KLF16: variants seen among roughly 807,000 people sequenced by gnomAD.
The protein encoded by KLF16 is KLF transcription factor 16.
Under a neutral mutation model 6.1 loss-of-function variants are expected in KLF16, and 6 were observed. The ratio of observed to expected loss-of-function variants is 0.98; its 90% CI spans 0.54 to 1.93. The LOEUF (loss-of-function observed/expected upper bound fraction) is 1.93. Among genes scored for constraint, KLF16 ranks in the 30% most tolerant of loss-of-function variants. The probability of loss-of-function intolerance (pLI) is 0.01; values close to 1 mark genes in which losing one functional copy is unlikely to be tolerated. For missense variants in KLF16, 355 were observed against 363.8 expected (o/e 0.98, Z 0.20); for synonymous variants, 211 against 176.5 (o/e 1.20, Z -1.55).
At chr19:1,860,342 G>A (rs1422074709) in intron 1 of KLF16, 1 of 152,398 alleles carries the variant, frequency 6.6e-6, no homozygotes, top group East Asian at 1.9e-4. Flanking sequence ...GCCAGACCCA[G>A]GGGACGGGAG....
Position 1,854,259 on chromosome 19 carries a change from C to CT in KLF16, c.*199_*200insA, listed in dbSNP as rs1332659457. ...ATGGCTATTTACAGACACAAGCCCC[C>CT]GTCACCCATCCTGAGAGCCACCTCT... On this transcript the variant is annotated 3_prime_UTR_variant, in exon 2 of 2. Coordinates refer to ENST00000250916, the MANE Select transcript of KLF16 (RefSeq NM_031918.4). The CT allele has an allele frequency of 8.9e-6, 5 of 559,600 alleles. No individual in the cohort carries two copies. The highest frequency in any genetic ancestry group is 1.1e-5 in the Non-Finnish European group (4 of 355,044). The allele number at this position is 559,600 out of a possible 1,614,324, so 34.7% of individuals were successfully genotyped here.
chr19:1,871,430 T>C, the KLF16 span, among the ~76,000 whole-genome samples: 1 of 152,170 alleles, frequency 6.6e-6, no homozygotes, highest in African/African-American at 2.4e-5. Context: ...GGTGTGACCC[T>C]GACCTCTCCC....
the KLF16 span, among the ~76,000 whole-genome samples, chr19:1,869,352 C>G: frequency 2.0e-5 from 3 of 152,130 alleles, no homozygotes; most frequent in Non-Finnish European, 4.4e-5. Flanking sequence ...TGGTGGTGGG[C>G]GCCTGTAATC....
chr19:1,862,985 G>A (rs1471057814), intron 1 of KLF16, 56 bp downstream of exon 1: 14 of 1,121,624 alleles, frequency 1.2e-5, no homozygotes, highest in African/African-American at 1.7e-5. Flanking sequence ...GGTCCTGGCG[G>A]GGGAGGGGTC....
At chr19:1,867,945 T>TGC (rs1363849803), upstream of KLF16, among the ~76,000 whole-genome samples, 3 of 151,690 alleles carry the variant, frequency 2.0e-5, no homozygotes, top group African/African-American at 7.3e-5. Context: ...TGTGTGTGTG[T>TGC]GTGTGTGTGT....
chr19:1,859,025 C>T (rs1287581142), intron 1 of KLF16, among the ~76,000 whole-genome samples: 1 of 152,130 alleles, frequency 6.6e-6, no homozygotes, highest in Non-Finnish European at 1.5e-5. Context: ...CTGCTCTCTG[C>T]ACTCTGCAGG....
In KLF16 at chr19:1,863,027, G is replaced by T; in HGVS notation, c.457+14C>A. On this transcript the variant is annotated intron_variant, in intron 1 of 1. Coordinates refer to ENST00000250916, the MANE Select transcript of KLF16 (RefSeq NM_031918.4). ...GGCCGCCCCCGCAAGGGCCGGGATC[G>T]CGGCTGCACTCACCTGTGTGCGTCC... The T allele has an allele frequency of 1.5e-6, 2 of 1,306,850 alleles. No individual in the cohort carries two copies. The highest frequency in any genetic ancestry group is 2.0e-6 in the Non-Finnish European group (2 of 1,005,790). The allele number at this position is 1,306,850 out of a possible 1,614,324, so 81.0% of individuals were successfully genotyped here.
the KLF16 span, among the ~76,000 whole-genome samples, chr19:1,870,035 T>G: frequency 1.3e-5 from 2 of 149,416 alleles, no homozygotes; most frequent in East Asian, 4.0e-4. Flanking sequence ...CTGGTTCAAG[T>G]GATTCTCCTG....
chr19:1,872,000 G>A, the KLF16 span, among the ~76,000 whole-genome samples: 17 of 152,262 alleles, frequency 1.1e-4, no homozygotes, highest in Non-Finnish European at 2.2e-4. Context: ...GGCCAGGGCC[G>A]GGGATTTTAT....
chr19:1,863,612 G>A (rs1454625040), upstream of KLF16: 15 of 311,090 alleles, frequency 4.8e-5, 1 homozygote, highest in Non-Finnish European at 6.3e-5. Context: ...GAGGAGGCCC[G>A]GCGCGCGCCG....
the KLF16 span, among the ~76,000 whole-genome samples, chr19:1,871,403 C>G: frequency 6.6e-6 from 1 of 152,120 alleles, no homozygotes; most frequent in East Asian, 1.9e-4. Flanking sequence ...TCTGTGCCAC[C>G]CATTTGAGTA....
chr19:1,856,815 G>C (rs1022659359), intron 1 of KLF16, among the ~76,000 whole-genome samples: 3 of 152,186 alleles, frequency 2.0e-5, no homozygotes, highest in Non-Finnish European at 2.9e-5. Flanking sequence ...CAGGCGGGGA[G>C]GCGGCAGGAG....
At chr19:1,867,955 TGTGTGTGC>T (rs2012214254), upstream of KLF16, among the ~76,000 whole-genome samples, 1 of 142,382 alleles carries the variant, frequency 7.0e-6, no homozygotes, top group Non-Finnish European at 1.6e-5. Flanking sequence ...TGTGTGTGTG[TGTGTGTGC>T]GTGCGCGCAT....
rs1334755123 is a variant in KLF16, at chr19:1,863,465, G to A, written c.33C>T (p.Phe11=). 9.5e-7 allele frequency: 1 copy of A among 1,048,622 alleles called. No homozygotes were observed. The highest frequency in any genetic ancestry group is 1.2e-6 in the Non-Finnish European group (1 of 866,258). 65.0% of individuals were successfully genotyped at this position (1,048,622 alleles called of 1,614,324 possible). Residue 11 remains phenylalanine, a synonymous_variant, in exon 1 of 2, where the codon TTC becomes TTT. Transcript: ENST00000250916. MSAAVACVDY[F]AADVLMAISS... is the part of the protein sequence containing the mutation. ...AGATGGCCATGAGCACGTCGGCGGC[G>A]AAGTAATCCACGCACGCCACGGCCG...
At chr19:1,865,122 G>A (rs1306958549), upstream of KLF16, among the ~76,000 whole-genome samples, 1 of 152,208 alleles carries the variant, frequency 6.6e-6, no homozygotes, top group African/African-American at 2.4e-5. Flanking sequence ...AGCCCTCCCT[G>A]GGCCCCAGTA....
rs2083183143 is a variant in KLF16 at position 1,857,197 on chromosome 19, C to T, written c.458-2437G>A. ...CGTGGGTGGCGGGGCAGGGGGTGCA[C>T]GGGCTACCCACCCACGCTGCGCTGG... On this transcript the variant is annotated intron_variant, in intron 1 of 1. Transcript: ENST00000250916. The surrounding 1 kb of genome is among the most constrained non-coding windows in gnomAD (Gnocchi z 4.7). Among the ~76,000 whole-genome samples, 1 of 152,178 alleles carries T rather than the reference C, an allele frequency of 6.6e-6. No homozygotes were observed. Among genetic ancestry groups the T allele is most frequent in the Non-Finnish European group, 1.5e-5 (1 of 68,008 alleles).
rs368068879 is a variant in KLF16 at position 1,854,498 on chromosome 19, C to T, written c.720G>A (p.Ala240=). Residue 240 remains alanine, a synonymous_variant, in exon 2 of 2, where the codon GCG becomes GCA. Transcript: ENST00000250916. ...GGGCTGGGCTGGGCGCGGGGCTGGG[C>T]GCAGGGCTCCCGGCCAGGCTGCAGG... is the stretch of plus-strand genomic sequence containing the variant. The part of the protein sequence containing the change: ...SLPCSLAGSP[A]PSPAPSPAPA... 1.8e-4 allele frequency: 263 copies of T among 1,457,666 alleles called. No individual in the cohort carries two copies. The highest frequency in any genetic ancestry group is 2.4e-4 in the Middle Eastern group (1 of 4,152). 90.3% of individuals were successfully genotyped at this position (1,457,666 alleles called of 1,614,324 possible). A position where few individuals can be genotyped will look rare whatever the true frequency, so the allele number is the denominator to read the frequency against.
the KLF16 span, chr19:1,874,746 C>CAAAAAAAAAAAAAAA: frequency 1.9e-4 from 8 of 41,996 alleles, no homozygotes; most frequent in African/African-American, 4.5e-4. Flanking sequence ...GTCAGAGTCC[C>CAAAAAAAAAAAAAAA]AAAAAAAAAA....
rs2011895281 is a variant in KLF16 at position 1,854,128 on chromosome 19, C to T, written c.*331G>A. 3.5e-6 allele frequency: 1 copy of T among 283,596 alleles called. No individual in the cohort carries two copies. 17.6% of individuals were successfully genotyped at this position (283,596 alleles called of 1,614,324 possible). A position where few individuals can be genotyped will look rare whatever the true frequency, so the allele number is the denominator to read the frequency against. ...CAGAAGTCCACTCCACCCCCCCAAA[C>T]CCCACCCCGGGAGGGGGGCAGCAGG... On this transcript the variant is annotated 3_prime_UTR_variant, in exon 2 of 2. Coordinates refer to ENST00000250916, the MANE Select transcript of KLF16 (RefSeq NM_031918.4).
Sources: gnomAD v4.1 joint callset for allele counts (sites outside exome capture counted in the v4.1 genomes callset) on GRCh38, gnomAD v4.1.1 for gene constraint, Gnocchi (gnomAD v3.1) non-coding constraint, MANE v1.5 for transcripts, NCBI Gene and HGNC (gene_info 2026-07-23, HGNC 2026-07-21) for gene names.